SYNJ2: variants seen among roughly 807,000 people sequenced by gnomAD.
SYNJ2 encodes synaptojanin 2.
A neutral mutation model predicts 141.3 loss-of-function variants in SYNJ2; 116 were observed. That is an observed-to-expected ratio of 0.82 (90% CI 0.71 to 0.96). The LOEUF is 0.96. Among genes scored for constraint, SYNJ2 ranks in the 40% least tolerant of loss-of-function variants. The pLI, the probability that SYNJ2 is intolerant of heterozygous loss-of-function variation, is 0.00. For synonymous variants in SYNJ2, 745 were observed against 777.7 expected (o/e 0.96, Z 0.70); for missense variants, 1,873 against 1,934.8 (o/e 0.97, Z 0.60).
chr6:158,013,551 C>G (rs1471534508), intron 1 of SYNJ2, among the ~76,000 whole-genome samples: 1 of 152,152 alleles, frequency 6.6e-6, no homozygotes, highest in Non-Finnish European at 1.5e-5. Context: ...AGTAAGTCTC[C>G]TCGCTGTTTG....
rs758506150 is a variant in SYNJ2, at chr6:158,095,602, T to C, written c.3745-16T>C. On this transcript the variant is annotated splice_polypyrimidine_tract_variant and intron_variant, in intron 26 of 26. Transcript: ENST00000355585. ...ATTGGCTTCTTATTTACACTCTTTG[T>C]CCCACCTTTTCTCAGCCCCTGTCAC... The C allele has an allele frequency of 1.9e-6, 3 of 1,572,978 alleles. No individual in the cohort carries two copies. Among genetic ancestry groups the C allele is most frequent in the African/African-American group, 2.7e-5 (2 of 73,728 alleles).
intron 5 of SYNJ2, among the ~76,000 whole-genome samples, chr6:158,047,883 A>G (rs1175240925): frequency 6.6e-6 from 1 of 151,358 alleles, no homozygotes; most frequent in Admixed American, 6.6e-5. Context: ...GATAACACCC[A>G]GGAGATAAAA....
At chr6:158,094,280 C>T (rs1462225032) in intron 26 of SYNJ2, among the ~76,000 whole-genome samples, 2 of 151,120 alleles carry the variant, frequency 1.3e-5, no homozygotes, top group African/African-American at 2.4e-5. Context: ...ATAAACCCAT[C>T]GTAAGTTGAA....
intron 2 of SYNJ2, 147 bp from the exon 3 acceptor site, chr6:158,028,609 T>C: frequency 9.5e-7 from 1 of 1,049,276 alleles, no homozygotes; most frequent in Non-Finnish European, 1.4e-6. Flanking sequence ...CTTGAGCCAT[T>C]GAGTTGGGCA....
At chr6:158,057,955 G>A (rs1780971697) in intron 6 of SYNJ2, among the ~76,000 whole-genome samples, 1 of 152,240 alleles carries the variant, frequency 6.6e-6, no homozygotes, top group Non-Finnish European at 1.5e-5. Context: ...CTTAGGCCAG[G>A]GAGTCAGCAG....
intron 2 of SYNJ2, chr6:158,017,568 C>T (rs1247358756): frequency 1.3e-5 from 6 of 454,780 alleles, no homozygotes; most frequent in Non-Finnish European, 2.0e-5. Flanking sequence ...GCATGCGCCA[C>T]CATGCCCAAC....
intron 2 of SYNJ2, among the ~76,000 whole-genome samples, chr6:158,021,026 G>C (rs1778741185): frequency 6.6e-6 from 1 of 152,166 alleles, no homozygotes; most frequent in Non-Finnish European, 1.5e-5. Context: ...ATTAGCCAGG[G>C]AGTCAGGCTT....
rs1339999851 is a variant in SYNJ2 at position 158,064,869 on chromosome 6, T to C, written c.1403T>C (p.Ile468Thr). 1 of 1,613,228 alleles carries C rather than the reference T, an allele frequency of 6.2e-7. No individual in the cohort carries two copies. Among genetic ancestry groups the C allele is most frequent in the Non-Finnish European group, 8.5e-7 (1 of 1,179,532 alleles). ...GGAGCCCGGTCCATGTCTCGAACCA[T>C]CCAGTCCAACTTCTTCGACGGGGTG... ...KDGARSMSRT[I>T]QSNFFDGVKQ... The change falls in exon 11 of 27, where the codon ATC becomes ACC. Residue 468 changes from isoleucine (I) to threonine (T), a missense_variant. Transcript: ENST00000355585.
intron 1 of SYNJ2, chr6:158,000,975 T>TG (rs1192246985): frequency 6.6e-6 from 1 of 152,392 alleles, no homozygotes; most frequent in Admixed American, 6.5e-5. Flanking sequence ...CCCTGCTCAC[T>TG]GGGTCTCTCT....
chr6:158,047,458 G>T (rs2128348467), intron 5 of SYNJ2, among the ~76,000 whole-genome samples: 1 of 152,208 alleles, frequency 6.6e-6, no homozygotes, highest in Non-Finnish European at 1.5e-5. Context: ...ACCTTATAGG[G>T]TTCTAGAGAG....
chr6:158,088,718 A>G lies in SYNJ2; in HGVS notation c.3402A>G (p.Gly1134=), dbSNP rs350289. 1,381,821 of 1,613,726 alleles carry G rather than the reference A, an allele frequency of 0.86. 598,374 individuals are homozygous for G. Among genetic ancestry groups the G allele is most frequent in the African/African-American group, 0.96 (72,055 of 75,010 alleles). ...CGTCCATCTCCTCCGGCACCCATGGACAGTATTCAATTTTGCAGACGGCAA... is the reference window on the plus strand; with the variant it reads ...CGTCCATCTCCTCCGGCACCCATGGGCAGTATTCAATTTTGCAGACGGCAA... The part of the protein sequence containing the change: ...SDASISSGTH[G]QYSILQTARL... The change falls in exon 24 of 27, where the codon GGA becomes GGG. Residue 1134 remains glycine (G), a synonymous_variant. Coordinates refer to ENST00000355585, the MANE Select transcript of SYNJ2 (RefSeq NM_003898.4).
At chr6:157,988,793 C>T (rs763425881) in intron 1 of SYNJ2, among the ~76,000 whole-genome samples, 4 of 152,122 alleles carry the variant, frequency 2.6e-5, no homozygotes, top group Admixed American at 6.5e-5. Flanking sequence ...CAGCTGTCCT[C>T]GAGGTGAAAA....
chr6:157,989,279 A>C (rs1777320529), intron 1 of SYNJ2, among the ~76,000 whole-genome samples: 1 of 151,888 alleles, frequency 6.6e-6, no homozygotes, highest in African/African-American at 2.4e-5. Context: ...CTTCATCCTT[A>C]TGTCAAGGCA....
chr6:158,015,846 T>C (rs1016410955), intron 1 of SYNJ2, among the ~76,000 whole-genome samples: 1 of 152,242 alleles, frequency 6.6e-6, no homozygotes, highest in African/African-American at 2.4e-5. Context: ...TCTTGATTTT[T>C]ATAACAGCTT....
chr6:158,085,524 T>C (rs1782978677), intron 22 of SYNJ2, among the ~76,000 whole-genome samples: 1 of 152,172 alleles, frequency 6.6e-6, no homozygotes, highest in African/African-American at 2.4e-5. Context: ...CCCATTGAGC[T>C]GGGGCTGAGA....
At position 158,071,760 on chromosome 6, in the gene SYNJ2, A is replaced by G. The variant is rs984895797; in HGVS notation, c.2099A>G (p.Tyr700Cys). 34 of 1,613,722 alleles carry G rather than the reference A, an allele frequency of 2.1e-5. No homozygotes were observed. Among genetic ancestry groups the G allele is most frequent in the Non-Finnish European group, 2.8e-5 (33 of 1,180,030 alleles). Reference protein sequence around the residue: ...QSQVKERNEDYKEITQKLCFP... With the variant: ...QSQVKERNEDCKEITQKLCFP... ...CAGGTGAAGGAGCGGAATGAAGACT[A>G]CAAGGAGATCACCCAGAAACTCTGC... Residue 700 changes from tyrosine (Y) to cysteine (C), a missense_variant, in exon 15 of 27, where the codon TAC becomes TGC. Transcript: ENST00000355585. This position sits in a 1 kb window ranked among gnomAD's most constrained non-coding sequence, Gnocchi z 4.3.
intron 5 of SYNJ2, among the ~76,000 whole-genome samples, chr6:158,052,152 A>T (rs1047178954): frequency 6.6e-6 from 1 of 152,234 alleles, no homozygotes; most frequent in East Asian, 1.9e-4. Flanking sequence ...ATCTCATAAC[A>T]TAGATAAATC....
In SYNJ2 at chr6:158,074,726, A is replaced by G. The variant is rs2128379879; in HGVS notation, c.2280A>G (p.Lys760=). ...AATTTGATCAACTACAGCTACAGAA[A>G]TCAAGTGGAAAAGTAAGTTGTGCTT... The part of the protein sequence containing the change: ...LLEFDQLQLQ[K]SSGKIFKDFH... Residue 760 remains lysine (K), a synonymous_variant, in exon 16 of 27, where the codon AAA becomes AAG. Transcript: ENST00000355585. The G allele has an allele frequency of 6.2e-7, 1 of 1,611,820 alleles. No homozygotes were observed. The highest frequency in any genetic ancestry group is 8.5e-7 in the Non-Finnish European group (1 of 1,179,558).
In SYNJ2 at chr6:158,040,742, G is replaced by T. The variant is rs1031539912; in HGVS notation, c.712-2574G>T. ...CCCCTGTGAGTTTTCCTGCCTCGTC[G>T]CTCTCTTTTTATGGCCATTAGGTTT... On this transcript the variant is annotated intron_variant, in intron 4 of 26. Transcript: ENST00000355585. The surrounding 1 kb of genome is among the most constrained non-coding windows in gnomAD (Gnocchi z 4.2). Among the ~76,000 whole-genome samples the T allele has an allele frequency of 6.6e-6, 1 of 152,122 alleles. No individual in the cohort carries two copies. Among genetic ancestry groups the T allele is most frequent in the Non-Finnish European group, 1.5e-5 (1 of 68,026 alleles).
Sources: gnomAD v4.1 joint callset for allele counts (sites outside exome capture counted in the v4.1 genomes callset) on GRCh38, gnomAD v4.1.1 for gene constraint, Gnocchi (gnomAD v3.1) non-coding constraint, MANE v1.5 for transcripts, NCBI Gene and HGNC (gene_info 2026-07-23, HGNC 2026-07-21) for gene names.